Variants in PTPRZ1 observed in about 807,000 individuals in gnomAD.
PTPRZ1 encodes the protein receptor-type tyrosine-protein phosphatase zeta.
In PTPRZ1, 82 loss-of-function variants were observed where a neutral mutation model predicts 214.1. The observed-to-expected ratio is 0.38, with a 90% confidence interval of 0.32 to 0.46. The LOEUF is 0.46. Ranked by LOEUF, PTPRZ1 falls within the 20% of genes least tolerant of loss-of-function variation. PTPRZ1 has a pLI of 1.00. For missense variants in PTPRZ1, 2,603 were observed against 2,748.7 expected (o/e 0.95, Z 1.19); for synonymous variants, 945 against 987.9 (o/e 0.96, Z 0.81).
chr7:121,880,142 T>G (rs1247860870), intron 1 of PTPRZ1, among the ~76,000 whole-genome samples: 1 of 152,136 alleles, frequency 6.6e-6, no homozygotes, highest in Non-Finnish European at 1.5e-5. Context: ...ATGGGCTGAT[T>G]GTCTTTGTTT....
chr7:121,971,260 T>G (rs1444120193), intron 3 of PTPRZ1, among the ~76,000 whole-genome samples: 1 of 152,216 alleles, frequency 6.6e-6, no homozygotes. Context: ...TTTCCTTTTC[T>G]TATTGTTAAA....
intron 18 of PTPRZ1, among the ~76,000 whole-genome samples, chr7:122,038,509 CTTTTTTTTT>C (rs140553499): frequency 9.4e-6 from 1 of 106,304 alleles, no homozygotes; most frequent in African/African-American, 3.5e-5. Context: ...GAGAGCTATT[CTTTTTTTTT>C]TTTTTTTTTT....
chr7:122,060,745 T>TG (rs1792544888), intron 29 of PTPRZ1, among the ~76,000 whole-genome samples: 1 of 152,176 alleles, frequency 6.6e-6, no homozygotes, highest in African/African-American at 2.4e-5. Flanking sequence ...TGTTTCTGAG[T>TG]GAGTTACAGA....
At chr7:122,017,935 A>G (rs948064395) in intron 12 of PTPRZ1, among the ~76,000 whole-genome samples, 1 of 152,094 alleles carries the variant, frequency 6.6e-6, no homozygotes, top group Non-Finnish European at 1.5e-5. Flanking sequence ...CTTGATCAAC[A>G]GAAGAAAGCT....
At chr7:122,029,345 A>G (rs768586268) in intron 14 of PTPRZ1, among the ~76,000 whole-genome samples, 5 of 152,052 alleles carry the variant, frequency 3.3e-5, no homozygotes, top group Non-Finnish European at 7.4e-5. Context: ...AAGTAAAATC[A>G]TAACCACTCA....
In PTPRZ1 at chr7:122,012,435, C is replaced by G; in HGVS notation, c.3389C>G (p.Thr1130Ser). 2 of 1,613,668 alleles carry G rather than the reference C, an allele frequency of 1.2e-6. No homozygotes were observed. The highest frequency in any genetic ancestry group is 8.5e-7 in the Non-Finnish European group (1 of 1,179,654). ...AACTTTTCAGTTCAACCTACACATA[C>G]TGTCTCTCAAGCATCTGGTGACACT... The part of the protein sequence containing the change: ...ENNFSVQPTH[T>S]VSQASGDTSL... The change falls in exon 12 of 30, where the codon ACT becomes AGT. Residue 1130 changes from threonine (T) to serine (S), a missense_variant. Transcript: ENST00000393386.
chr7:122,056,919 T>TATTATGCTACTCAGA (rs1792367166), intron 27 of PTPRZ1, among the ~76,000 whole-genome samples: 1 of 152,008 alleles, frequency 6.6e-6, no homozygotes, highest in Admixed American at 6.6e-5. Context: ...AAATTATGTG[T>TATTATGCTACTCAGA]ATTATGCTAC....
intron 1 of PTPRZ1, among the ~76,000 whole-genome samples, chr7:121,918,347 T>C (rs1488245199): frequency 6.6e-6 from 1 of 152,192 alleles, no homozygotes; most frequent in East Asian, 1.9e-4. Context: ...ACCCACAAAA[T>C]GCAGACCCAG....
chr7:122,013,465 C>T lies in PTPRZ1; in HGVS notation c.4419C>T (p.Ile1473=). ...GTCTTATGGATCAGAATAATCCAAT[C>T]TCATACTCACTATCTGAGAATTCTG... ...ENSLMDQNNP[I]SYSLSENSEE... Residue 1473 remains isoleucine (I), a synonymous_variant, in exon 12 of 30, where the codon ATC becomes ATT. Transcript: ENST00000393386. 1 of 1,614,100 alleles carries T rather than the reference C, an allele frequency of 6.2e-7. No individual in the cohort carries two copies. The highest frequency in any genetic ancestry group is 8.5e-7 in the Non-Finnish European group (1 of 1,179,998).
intron 1 of PTPRZ1, among the ~76,000 whole-genome samples, chr7:121,915,769 G>T (rs1795406788): frequency 6.6e-6 from 1 of 152,172 alleles, no homozygotes; most frequent in South Asian, 2.1e-4. Context: ...ACTTCAGAAA[G>T]ATATGATCAC....
chr7:121,968,127 A>G lies in PTPRZ1; in HGVS notation c.301A>G (p.Thr101Ala), dbSNP rs779912145. 5.0e-6 allele frequency: 8 copies of G among 1,593,158 alleles called. No homozygotes were observed. Among genetic ancestry groups the G allele is most frequent in the East Asian group, 2.2e-5 (1 of 44,504 alleles). Reference protein sequence around the residue: ...ENTFIHNTGKTVEINLTNDYR... With the variant: ...ENTFIHNTGKAVEINLTNDYR... ...CACATTCATTCATAACACTGGGAAA[A>G]CAGGTAAAATATTTGCATTCTGTTT... Residue 101 changes from threonine (T) to alanine (A), a missense_variant, in exon 3 of 30, where the codon ACA becomes GCA. Physicochemically the swap from Thr to Ala is moderately conservative, Grantham distance 58. This residue lies in a region of PTPRZ1 where 141 missense variants were observed against 143.7 expected (regional missense o/e 0.98). Transcript: ENST00000393386.
rs150043434 is a variant in PTPRZ1 at position 121,982,051 on chromosome 7, A to G, written c.620-1614A>G. 2.5e-3 allele frequency among the ~76,000 whole-genome samples: 387 copies of G among 152,342 alleles called. 1 individual carries two copies. Among genetic ancestry groups the G allele is most frequent in the African/African-American group, 8.7e-3 (360 of 41,588 alleles). ...AATATGTTCATTTAAATCTGCAATC[A>G]GTTTAGAACTGATTTGTGCTTATGA... On this transcript the variant is annotated intron_variant, in intron 6 of 29. Coordinates refer to ENST00000393386, the MANE Select transcript of PTPRZ1 (RefSeq NM_002851.3).
chr7:121,923,544 C>T (rs980346041), intron 1 of PTPRZ1, among the ~76,000 whole-genome samples: 2 of 151,974 alleles, frequency 1.3e-5, no homozygotes, highest in Admixed American at 6.6e-5. Flanking sequence ...AGCACTGCTG[C>T]TAGAATTTTT....
Position 121,984,121 on chromosome 7 carries a change from T to A in PTPRZ1, c.928+4T>A. 1 of 1,608,798 alleles carries A rather than the reference T, an allele frequency of 6.2e-7. No homozygotes were observed. The highest frequency in any genetic ancestry group is 8.5e-7 in the Non-Finnish European group (1 of 1,177,042). ...AAGGAAGAGATTCATGAAGCAGGTA[T>A]GTATTTAAATATAATCTTCTACAAC... On this transcript the variant is annotated splice_donor_region_variant and intron_variant, in intron 8 of 29. Coordinates refer to ENST00000393386, the MANE Select transcript of PTPRZ1 (RefSeq NM_002851.3).
intron 12 of PTPRZ1, among the ~76,000 whole-genome samples, chr7:122,016,539 C>G (rs1324501050): frequency 1.3e-5 from 2 of 151,904 alleles, no homozygotes; most frequent in African/African-American, 4.8e-5. Flanking sequence ...ATCATTCTGA[C>G]TCCTTAATTA....
chr7:122,051,937 A>G lies in PTPRZ1; in HGVS notation c.6250A>G (p.Met2084Val), dbSNP rs1792199861. ...GTDYINASYI[M>V]GYYQSNEFII... ...AGACTACATCAATGCCTCCTATATCATGGTAAGTCAGAGAAGTCACTGAGG... is the reference window on the plus strand; with the variant it reads ...AGACTACATCAATGCCTCCTATATCGTGGTAAGTCAGAGAAGTCACTGAGG... The change falls in exon 25 of 30, where the codon ATG (methionine) becomes GTG (valine). Residue 2084 changes from methionine (M) to valine (V), a missense_variant and splice_region_variant. Physicochemically the swap from Met to Val is conservative, Grantham distance 21. Coordinates refer to ENST00000393386, the MANE Select transcript of PTPRZ1 (RefSeq NM_002851.3). 3 of 1,598,836 alleles carry G rather than the reference A, an allele frequency of 1.9e-6. No homozygotes were observed. Among genetic ancestry groups the G allele is most frequent in the Non-Finnish European group, 2.6e-6 (3 of 1,175,462 alleles).
intron 2 of PTPRZ1, among the ~76,000 whole-genome samples, chr7:121,932,022 A>G (rs993200932): frequency 1.3e-5 from 2 of 152,142 alleles, no homozygotes; most frequent in Non-Finnish European, 2.9e-5. Flanking sequence ...GAATTGCTTT[A>G]TTTATATTAG....
intron 1 of PTPRZ1, among the ~76,000 whole-genome samples, chr7:121,927,168 A>G (rs1330738330): frequency 1.3e-5 from 2 of 152,258 alleles, no homozygotes; most frequent in Non-Finnish European, 2.9e-5. Context: ...CAGAGTGCCA[A>G]TGTATGAATG....
chr7:121,905,111 TG>T (rs1313060305), intron 1 of PTPRZ1, among the ~76,000 whole-genome samples: 4 of 152,222 alleles, frequency 2.6e-5, no homozygotes, highest in Non-Finnish European at 5.9e-5. Flanking sequence ...ATATTTATTT[TG>T]CCAAAGAAAC....
Sources: allele counts gnomAD v4.1 joint callset (sites outside exome capture counted in the v4.1 genomes callset), GRCh38; gene constraint gnomAD v4.1.1; regional missense constraint gnomAD v4.1.1; transcripts MANE v1.5; gene names NCBI Gene and HGNC (gene_info 2026-07-23, HGNC 2026-07-21).